The following NIPAL3 variants were observed in gnomAD, a reference collection of about 807,000 sequenced individuals.
NIPAL3 encodes NIPA like domain containing 3, also known as NIPA-like protein 3.
A neutral mutation model predicts 47.2 loss-of-function variants in NIPAL3; 41 were observed. That is an observed-to-expected ratio of 0.87 (90% CI 0.68 to 1.13). The LOEUF is 1.13. NIPAL3 is among the 50% of genes most tolerant of loss of function. NIPAL3 has a pLI of 0.00. For missense variants in NIPAL3, 449 were observed against 530.1 expected, an observed-to-expected ratio of 0.85 and a Z score of 1.50; for synonymous variants, 194 against 209.6, an observed-to-expected ratio of 0.93 and a Z score of 0.64.
At chr1:24,415,984 C>T (rs1243281047) in intron 1 of NIPAL3, 80 bp downstream of exon 1, 3 of 985,012 alleles carry the variant, frequency 3.0e-6, no homozygotes, top group Non-Finnish European at 3.6e-6. Context: ...AGTCACCTAA[C>T]GTCCCCTAGT....
chr1:24,458,696 G>C (rs1646334727), intron 8 of NIPAL3, among the ~76,000 whole-genome samples, 192 bp from the exon 9 acceptor site: 1 of 152,140 alleles, frequency 6.6e-6, no homozygotes, highest in African/African-American at 2.4e-5. Context: ...TCTAGGGGAA[G>C]AGTGGGAATC....
rs1343772481 is a variant in NIPAL3, at chr1:24,449,862, A to G, written c.540+236A>G. 6.6e-6 allele frequency among the ~76,000 whole-genome samples: 1 copy of G among 152,212 alleles called. No individual in the cohort carries two copies. Among genetic ancestry groups the G allele is most frequent in the Non-Finnish European group, 1.5e-5 (1 of 68,040 alleles). ...ATTGGTACAGCCACTTGGGAAAAAC[A>G]TTTGACACTAATTACCAAATTGAAT... is the stretch of plus-strand genomic sequence containing the variant. On this transcript the variant is annotated intron_variant, in intron 6 of 11. Transcript: ENST00000374399. This position sits in a 1 kb window ranked among gnomAD's most constrained non-coding sequence, Gnocchi z 4.5.
chr1:24,456,302 C>T (rs1646200073), intron 8 of NIPAL3, 29 bp downstream of exon 8: 5 of 1,613,930 alleles, frequency 3.1e-6, no homozygotes, highest in Non-Finnish European at 3.4e-6. Flanking sequence ...TCCTGCTGGG[C>T]CCTGCCATTC....
At position 24,451,025 on chromosome 1, in the gene NIPAL3, A is replaced by G. The variant is rs1371509563; in HGVS notation, c.540+1399A>G. Reference sequence around the variant, plus strand: ...AGAGGATTGAAGCCCAAGACTTCCTAAGTGCTGTGTGGCCTTAGCCAAGTC... The same window carrying G: ...AGAGGATTGAAGCCCAAGACTTCCTGAGTGCTGTGTGGCCTTAGCCAAGTC... On this transcript the variant is annotated intron_variant, in intron 6 of 11. Transcript: ENST00000374399. The surrounding 1 kb of genome is among the most constrained non-coding windows in gnomAD (Gnocchi z 4.5). 2.0e-5 allele frequency among the ~76,000 whole-genome samples: 3 copies of G among 152,196 alleles called. No individual in the cohort carries two copies. Among genetic ancestry groups the G allele is most frequent in the Non-Finnish European group, 4.4e-5 (3 of 68,030 alleles).
At chr1:24,446,926 TG>T (rs1645697620) in intron 5 of NIPAL3, among the ~76,000 whole-genome samples, 1 of 152,166 alleles carries the variant, frequency 6.6e-6, no homozygotes, top group Non-Finnish European at 1.5e-5. Flanking sequence ...CTAAGGAGAT[TG>T]CCATCCCCAG....
chr1:24,428,948 G>A (rs10903087), intron 2 of NIPAL3, among the ~76,000 whole-genome samples: 65,014 of 151,962 alleles, frequency 0.43, 15,211 homozygotes, highest in African/African-American at 0.63. Flanking sequence ...CCATGGTAGT[G>A]AGTTAACACA....
intron 2 of NIPAL3, chr1:24,433,279 G>A (rs1644957240): frequency 6.6e-6 from 1 of 152,178 alleles, no homozygotes; most frequent in African/African-American, 2.4e-5. Flanking sequence ...TATTGTGCTG[G>A]AGCAGTTCCT....
At chr1:24,413,736 G>A (rs1450694379), upstream of NIPAL3, 3 of 152,278 alleles carry the variant, frequency 2.0e-5, no homozygotes, top group Non-Finnish European at 4.4e-5. Flanking sequence ...GGCACCCACA[G>A]GCCTAACATT....
intron 2 of NIPAL3, chr1:24,433,138 T>C (rs1358713766): frequency 6.6e-6 from 1 of 152,184 alleles, no homozygotes; most frequent in Non-Finnish European, 1.5e-5. Context: ...AATAACTCCA[T>C]TTTACAGTTG....
At chr1:24,444,598 A>G (rs1328596872) in intron 4 of NIPAL3, among the ~76,000 whole-genome samples, 1 of 152,232 alleles carries the variant, frequency 6.6e-6, no homozygotes, top group Non-Finnish European at 1.5e-5. Flanking sequence ...ACACACAGCC[A>G]GAAGAGGCAG....
intron 9 of NIPAL3, among the ~76,000 whole-genome samples, chr1:24,460,243 A>C (rs775705818): frequency 6.6e-6 from 1 of 152,178 alleles, no homozygotes; most frequent in Non-Finnish European, 1.5e-5. Context: ...TGAGTCTAAT[A>C]TTATCCCCCA....
At chr1:24,440,351 C>CAGG in intron 3 of NIPAL3, 111 bp downstream of exon 3, 2 of 734,096 alleles carry the variant, frequency 2.7e-6, no homozygotes, top group Non-Finnish European at 2.1e-6. Flanking sequence ...TACTGCATCC[C>CAGG]TGGGCTGCAC....
intron 10 of NIPAL3, among the ~76,000 whole-genome samples, chr1:24,463,604 G>A (rs1029171710): frequency 6.6e-6 from 1 of 152,180 alleles, no homozygotes; most frequent in Non-Finnish European, 1.5e-5. Flanking sequence ...ACCTGGCCGA[G>A]TGAGACCAGG....
intron 8 of NIPAL3, among the ~76,000 whole-genome samples, chr1:24,458,447 C>T (rs2294525): frequency 0.26 from 39,055 of 151,788 alleles, 5,463 homozygotes; most frequent in East Asian, 0.48. Context: ...ACATTATTTT[C>T]AAATTAAAAA....
Position 24,419,552 on chromosome 1 carries a change from A to G in NIPAL3, c.5A>G (p.Asp2Gly). 2 of 1,613,378 alleles carry G rather than the reference A, an allele frequency of 1.2e-6. No homozygotes were observed. The highest frequency in any genetic ancestry group is 1.1e-5 in the South Asian group (1 of 90,820). M[D>G]GSHSAALKLQ... The stretch of plus-strand genomic sequence containing the variant: ...GGGATGCGCCACTAGACCACCATGG[A>G]CGGATCCCACAGCGCAGCCCTGAAG... The change falls in exon 2 of 12, where the codon GAC becomes GGC. Residue 2 changes from aspartate (D) to glycine (G), a missense_variant. By Grantham distance (94) the Asp-to-Gly change is moderately conservative. Coordinates refer to ENST00000374399, the MANE Select transcript of NIPAL3 (RefSeq NM_020448.5).
chr1:24,453,384 C>A (rs200676447), intron 6 of NIPAL3, 24 bp from the exon 7 acceptor site: 2 of 1,590,578 alleles, frequency 1.3e-6, no homozygotes, highest in Admixed American at 1.7e-5. Context: ...CCCCACTGAC[C>A]CCCCTGCTTG....
chr1:24,450,247 A>C (rs1023493985), intron 6 of NIPAL3, among the ~76,000 whole-genome samples: 4 of 152,188 alleles, frequency 2.6e-5, no homozygotes, highest in Non-Finnish European at 4.4e-5. Flanking sequence ...GCTCTGGGAG[A>C]TAGTGTTATG....
chr1:24,456,368 C>A, intron 8 of NIPAL3, 95 bp downstream of exon 8: 2 of 1,529,450 alleles, frequency 1.3e-6, no homozygotes, highest in Non-Finnish European at 1.8e-6. Context: ...ACAAGGAGGC[C>A]AGAACATGCC....
At chr1:24,424,407 C>G (rs1201005308) in intron 2 of NIPAL3, among the ~76,000 whole-genome samples, 1 of 152,200 alleles carries the variant, frequency 6.6e-6, no homozygotes, top group Non-Finnish European at 1.5e-5. Flanking sequence ...ATGCACTAGG[C>G]ATGCTGGAAA....
Sources: allele counts gnomAD v4.1 joint callset (sites outside exome capture counted in the v4.1 genomes callset), GRCh38; gene constraint gnomAD v4.1.1; non-coding constraint Gnocchi (gnomAD v3.1); transcripts MANE v1.5; gene names NCBI Gene and HGNC (gene_info 2026-07-23, HGNC 2026-07-21).